Variants in LRRFIP1 observed in about 807,000 individuals in gnomAD.
LRRFIP1 encodes leucine-rich repeat flightless-interacting protein 1.
LRRFIP1 carries 62 observed loss-of-function variants against 104.4 expected under a neutral mutation model. The ratio of observed to expected loss-of-function variants is 0.59; its 90% CI spans 0.48 to 0.73. The LOEUF (loss-of-function observed/expected upper bound fraction) is 0.73. Among genes scored for constraint, LRRFIP1 ranks in the 30% least tolerant of loss-of-function variants. The pLI is 0.00. For synonymous variants in LRRFIP1, 300 were observed against 299.0 expected (o/e 1.00, Z -0.03); for missense variants, 796 against 824.5 (o/e 0.97, Z 0.42).
At chr2:237,752,028 C>T (rs773002846) in intron 14 of LRRFIP1, among the ~76,000 whole-genome samples, 4 of 152,262 alleles carry the variant, frequency 2.6e-5, no homozygotes, top group East Asian at 1.9e-4. Flanking sequence ...GAGGTGACAT[C>T]GATCATGACT....
intron 1 of LRRFIP1, among the ~76,000 whole-genome samples, chr2:237,653,732 A>T (rs1293380732): frequency 1.3e-5 from 2 of 152,206 alleles, no homozygotes; most frequent in African/African-American, 4.8e-5. Flanking sequence ...TTTTTGACAC[A>T]GTTGCCAAGA....
intron 1 of LRRFIP1, among the ~76,000 whole-genome samples, chr2:237,686,945 C>T (rs1177743609): frequency 1.3e-5 from 2 of 152,222 alleles, no homozygotes; most frequent in Non-Finnish European, 2.9e-5. Flanking sequence ...CCTGCTTTGC[C>T]AGTGCCCCTG....
chr2:237,740,023 C>T lies in LRRFIP1; in HGVS notation c.633+714C>T, dbSNP rs556742201. Among the ~76,000 whole-genome samples, 16 of 152,120 alleles carry T rather than the reference C, an allele frequency of 1.1e-4. No homozygotes were observed. The South Asian group carries it at 1.5e-3, about 14-fold the overall frequency. On this transcript the variant is annotated intron_variant, in intron 11 of 23. Coordinates refer to ENST00000308482, the MANE Select transcript of LRRFIP1 (RefSeq NM_001137550.2). ...GCTCCAGGCTGCACGACCAGACCAG[C>T]GTTCCCACCCTCAAGAGCCAGTGAG...
chr2:237,684,127 A>T (rs2092120407), intron 1 of LRRFIP1: 1 of 151,960 alleles, frequency 6.6e-6, no homozygotes, highest in African/African-American at 2.4e-5. Flanking sequence ...TAAATGAGGG[A>T]ATCTCTGGAA....
chr2:237,717,528 C>A lies in LRRFIP1; in HGVS notation c.202-234C>A, dbSNP rs182127883. ...TTCGTCCTGGGCTCTCTTGCTTTGC[C>A]GGGATGGGGTGGGCTGGGAGGATCT... On this transcript the variant is annotated intron_variant, in intron 3 of 23. Transcript: ENST00000308482. The surrounding 1 kb of genome is among the most constrained non-coding windows in gnomAD (Gnocchi z 4.2). 5.1e-4 allele frequency among the ~76,000 whole-genome samples: 77 copies of A among 152,028 alleles called. 1 individual carries two copies. The East Asian group carries it at 0.015, about 29-fold the overall frequency.
At chr2:237,648,817 G>A (rs1342905833) in intron 1 of LRRFIP1, among the ~76,000 whole-genome samples, 1 of 151,386 alleles carries the variant, frequency 6.6e-6, no homozygotes, top group Non-Finnish European at 1.5e-5. Flanking sequence ...CCTCAAAGCA[G>A]GCAGTGATGA....
At chr2:237,724,700 C>G (rs953195047) in intron 7 of LRRFIP1, among the ~76,000 whole-genome samples, 1 of 152,078 alleles carries the variant, frequency 6.6e-6, no homozygotes, top group African/African-American at 2.4e-5. Context: ...CAACATATTT[C>G]TAGATTATTA....
chr2:237,720,744 C>T (rs779163722), intron 5 of LRRFIP1, 28 bp from the exon 6 acceptor site: 8 of 1,606,324 alleles, frequency 5.0e-6, no homozygotes, highest in Admixed American at 3.3e-5. Flanking sequence ...GATTCCTTCA[C>T]GGTTGTTCTC....
intron 15 of LRRFIP1, 41 bp from the exon 16 acceptor site, chr2:237,756,054 A>C: frequency 7.1e-7 from 1 of 1,404,442 alleles, no homozygotes; most frequent in Non-Finnish European, 1.0e-6. Flanking sequence ...TGCCAGAAAC[A>C]TGGGATTCCA....
chr2:237,652,464 C>G (rs2086095615), intron 1 of LRRFIP1, among the ~76,000 whole-genome samples: 1 of 152,200 alleles, frequency 6.6e-6, no homozygotes, highest in Non-Finnish European at 1.5e-5. Flanking sequence ...GTTACAGCAA[C>G]CTTGATGAGA....
intron 1 of LRRFIP1, among the ~76,000 whole-genome samples, chr2:237,684,021 G>C (rs1489059748): frequency 1.3e-5 from 2 of 152,166 alleles, no homozygotes; most frequent in Non-Finnish European, 2.9e-5. Context: ...TTTTCAGCTA[G>C]TAGCGTAAAG....
At chr2:237,681,586 T>C (rs950747514) in intron 1 of LRRFIP1, among the ~76,000 whole-genome samples, 5 of 151,594 alleles carry the variant, frequency 3.3e-5, no homozygotes, top group African/African-American at 4.9e-5. Context: ...AGGCTGATCT[T>C]GAACTAGTGA....
chr2:237,777,553 T>G (rs780834326), intron 23 of LRRFIP1, among the ~76,000 whole-genome samples: 14 of 152,222 alleles, frequency 9.2e-5, no homozygotes, highest in Middle Eastern at 6.3e-3. Flanking sequence ...ATTGAGCTGT[T>G]GAGAAAGTTG....
chr2:237,676,713 G>A (rs1224268557), intron 1 of LRRFIP1, among the ~76,000 whole-genome samples: 1 of 152,212 alleles, frequency 6.6e-6, no homozygotes. Context: ...CTGTTGGCCA[G>A]GCTGGTCTCA....
Position 237,691,760 on chromosome 2 carries a change from C to T in LRRFIP1, c.97-16784C>T, listed in dbSNP as rs2092775326. ...GGCATCCTCCCCGGAGCGCCCGCTT[C>T]CCACGGCCCCTGCGGGTGGAGCTGC... On this transcript the variant is annotated intron_variant, in intron 1 of 23. Coordinates refer to ENST00000308482, the MANE Select transcript of LRRFIP1 (RefSeq NM_001137550.2). The surrounding 1 kb of genome is among the most constrained non-coding windows in gnomAD (Gnocchi z 5.4). Among the ~76,000 whole-genome samples, 1 of 151,900 alleles carries T rather than the reference C, an allele frequency of 6.6e-6. No individual in the cohort carries two copies.
At chr2:237,665,782 C>T (rs989557571) in intron 1 of LRRFIP1, among the ~76,000 whole-genome samples, 15 of 152,164 alleles carry the variant, frequency 9.9e-5, no homozygotes, top group African/African-American at 2.7e-4. Flanking sequence ...CAAACATGGG[C>T]ATCCCTTACT....
chr2:237,724,085 G>A (rs2094641062), intron 7 of LRRFIP1, among the ~76,000 whole-genome samples: 1 of 147,666 alleles, frequency 6.8e-6, no homozygotes. Flanking sequence ...TATTCTTTGA[G>A]AAAACTCCTA....
chr2:237,780,210 GC>G lies in LRRFIP1; in HGVS notation c.*679del, dbSNP rs2150955225. On this transcript the variant is annotated 3_prime_UTR_variant, in exon 24 of 24. Coordinates refer to ENST00000308482, the MANE Select transcript of LRRFIP1 (RefSeq NM_001137550.2). ...GGCAATAGCTTCACTGAAAATGACA[GC>G]TTTTCATTGCATTATTTAATCCTTA... is the stretch of plus-strand genomic sequence containing the variant. 1.3e-5 allele frequency: 2 copies of G among 152,206 alleles called. No individual in the cohort carries two copies. The highest frequency in any genetic ancestry group is 4.8e-5 in the African/African-American group (2 of 41,532). The allele number at this position is 152,206 out of a possible 1,614,324, so 9.4% of individuals were successfully genotyped here. A position where few individuals can be genotyped will look rare whatever the true frequency, so the allele number is the denominator to read the frequency against.
chr2:237,652,595 C>T (rs751065036), intron 1 of LRRFIP1, among the ~76,000 whole-genome samples: 7 of 152,116 alleles, frequency 4.6e-5, no homozygotes, highest in Non-Finnish European at 1.0e-4. Flanking sequence ...GAGTGTTCAC[C>T]GAAAAGACCT....
Sources: gnomAD v4.1 joint callset for allele counts (sites outside exome capture counted in the v4.1 genomes callset) on GRCh38, gnomAD v4.1.1 for gene constraint, Gnocchi (gnomAD v3.1) non-coding constraint, MANE v1.5 for transcripts, NCBI Gene and HGNC (gene_info 2026-07-23, HGNC 2026-07-21) for gene names.